DLGAP1: variants seen among roughly 807,000 people sequenced by gnomAD.
DLGAP1 encodes the protein disks large-associated protein 1.
In DLGAP1, 11 loss-of-function variants were observed where a neutral mutation model predicts 90.8. The observed-to-expected ratio is 0.12, with a 90% CI of 0.08 to 0.20. DLGAP1 has a LOEUF of 0.20. Among genes scored for constraint, DLGAP1 ranks in the 10% least tolerant of loss-of-function variants. The probability of loss-of-function intolerance (pLI) is 1.00; values close to 1 mark genes in which losing one functional copy is unlikely to be tolerated. For synonymous variants in DLGAP1, 558 were observed against 540.7 expected, an observed-to-expected ratio of 1.03 and a Z score of -0.44; for missense variants, 1,050 against 1,333.8, an observed-to-expected ratio of 0.79 and a Z score of 3.31.
At chr18:4,306,033 T>TACACACAGAC (rs1184185219) in intron 1 of DLGAP1, among the ~76,000 whole-genome samples, 31 of 142,204 alleles carry the variant, frequency 2.2e-4, no homozygotes, top group African/African-American at 7.6e-4. Flanking sequence ...CACACACAAA[T>TACACACAGAC]ACACACACAC....
intron 7 of DLGAP1, among the ~76,000 whole-genome samples, chr18:3,647,658 G>T (rs1046153063): frequency 1.3e-5 from 2 of 152,058 alleles, no homozygotes; most frequent in Non-Finnish European, 2.9e-5. Context: ...TAGAGATGGG[G>T]TTTCACCATG....
chr18:4,146,474 A>G (rs1333519350), intron 2 of DLGAP1, among the ~76,000 whole-genome samples: 1 of 152,142 alleles, frequency 6.6e-6, no homozygotes, highest in Non-Finnish European at 1.5e-5. Flanking sequence ...AGGATTTCAT[A>G]TGATCTGTAC....
intron 7 of DLGAP1, among the ~76,000 whole-genome samples, chr18:3,654,362 C>T (rs1220189365): frequency 6.6e-6 from 1 of 152,110 alleles, no homozygotes; most frequent in African/African-American, 2.4e-5. Context: ...TGTAGACCAG[C>T]CATGACACCC....
At chr18:4,370,250 G>T (rs539869774) in intron 1 of DLGAP1, among the ~76,000 whole-genome samples, 4 of 152,288 alleles carry the variant, frequency 2.6e-5, no homozygotes, top group South Asian at 4.1e-4. Context: ...CAGAAAAACA[G>T]ATCCAGATCA....
chr18:4,250,697 T>C (rs938544384), intron 1 of DLGAP1, among the ~76,000 whole-genome samples: 2 of 152,180 alleles, frequency 1.3e-5, no homozygotes, highest in African/African-American at 2.4e-5. Flanking sequence ...ACCTGTTCTA[T>C]GCATTAACTT....
intron 1 of DLGAP1, among the ~76,000 whole-genome samples, chr18:4,374,971 A>T (rs191379822): frequency 6.6e-6 from 1 of 152,258 alleles, no homozygotes; most frequent in East Asian, 1.9e-4. Context: ...AGAAAAAAAT[A>T]AAATATCACT....
Position 3,879,358 on chromosome 18 carries a change from C to T in DLGAP1, c.711G>A (p.Leu237=), listed in dbSNP as rs754041388. ...GCTCGCTGATGGTGTTGTAGGCCTC[C>T]AGGAAGTACTGTGAGGCCGAGCGGT... ...CPDRSASQYF[L]EAYNTISEQA... The change falls in exon 4 of 13, where the codon CTG becomes CTA. Residue 237 remains leucine (L), a synonymous_variant. Coordinates refer to ENST00000315677, the MANE Select transcript of DLGAP1 (RefSeq NM_004746.4). This position sits in a 1 kb window ranked among gnomAD's most constrained non-coding sequence, Gnocchi z 6.6. The T allele has an allele frequency of 6.2e-7, 1 of 1,612,876 alleles. No individual in the cohort carries two copies.
At position 3,772,376 on chromosome 18, in the gene DLGAP1, CTTTCTTTCTTTCTTTCTT is replaced by C. The variant is rs1568109228; in HGVS notation, c.1173-29882_1173-29865del. 1.9e-3 allele frequency among the ~76,000 whole-genome samples: 39 copies of C among 20,830 alleles called. 4 individuals are homozygous for C. The highest frequency in any genetic ancestry group is 2.0e-3 in the Non-Finnish European group (15 of 7,350). The allele number at this position is 20,830 out of a possible 152,430, so 13.7% of individuals were successfully genotyped here. A position where few individuals can be genotyped will look rare whatever the true frequency, so the allele number is the denominator to read the frequency against. The stretch of plus-strand genomic sequence containing the variant: ...TCTTTCTTTCTTTCTTTCTTTCTTT[CTTTCTTTCTTTCTTTCTT>C]TCTTTCTTTCTTTCTCTTTCTTTCT... On this transcript the variant is annotated intron_variant, in intron 5 of 12. Transcript: ENST00000315677.
At chr18:3,921,542 T>A (rs2072269621) in intron 3 of DLGAP1, among the ~76,000 whole-genome samples, 1 of 152,016 alleles carries the variant, frequency 6.6e-6, no homozygotes, top group Non-Finnish European at 1.5e-5. Context: ...GTAAAAAAAA[T>A]AAAAAATGCA....
intron 7 of DLGAP1, among the ~76,000 whole-genome samples, chr18:3,610,409 C>G (rs1357931026): frequency 1.3e-5 from 2 of 152,204 alleles, no homozygotes; most frequent in Non-Finnish European, 2.9e-5. Context: ...AGACTACCTT[C>G]TGTTCTCTCT....
At chr18:4,330,216 T>TGCACTAAACCTGAGAATGTAAAAAAAGAA (rs2080916694) in intron 1 of DLGAP1, among the ~76,000 whole-genome samples, 6 of 149,672 alleles carry the variant, frequency 4.0e-5, no homozygotes, top group African/African-American at 1.5e-4. Context: ...GATACTCATA[T>TGCACTAAACCTGAGAATGTAAAAAAAGAA]AATTTTCTTG....
intron 10 of DLGAP1, among the ~76,000 whole-genome samples, chr18:3,521,727 A>G (rs550352591): frequency 3.7e-4 from 57 of 152,240 alleles, no homozygotes; most frequent in Non-Finnish European, 7.4e-4. Flanking sequence ...CAGATTTCCG[A>G]CCAGAATGTG....
chr18:3,813,782 G>T (rs1020684562), intron 5 of DLGAP1, among the ~76,000 whole-genome samples: 2 of 151,814 alleles, frequency 1.3e-5, no homozygotes, highest in Non-Finnish European at 2.9e-5. Flanking sequence ...AGCCATTCTG[G>T]ATTCTTTTAA....
intron 2 of DLGAP1, among the ~76,000 whole-genome samples, chr18:4,145,034 C>A (rs1373007284): frequency 1.3e-5 from 2 of 152,146 alleles, no homozygotes; most frequent in African/African-American, 2.4e-5. Flanking sequence ...CTTAATCGGT[C>A]ATTTTATTAA....
chr18:4,213,140 C>T (rs540099860), intron 1 of DLGAP1, among the ~76,000 whole-genome samples: 1 of 152,198 alleles, frequency 6.6e-6, no homozygotes, highest in Non-Finnish European at 1.5e-5. Flanking sequence ...GAGATACAGT[C>T]TCTGCCGTTC....
intron 3 of DLGAP1, among the ~76,000 whole-genome samples, chr18:3,941,562 A>G (rs559289825): frequency 6.6e-6 from 1 of 152,374 alleles, no homozygotes; most frequent in African/African-American, 2.4e-5. Flanking sequence ...TTATAAAATC[A>G]GAAGCCTGGA....
intron 12 of DLGAP1, among the ~76,000 whole-genome samples, chr18:3,500,944 C>T (rs972278925): frequency 3.0e-4 from 45 of 151,948 alleles, no homozygotes; most frequent in African/African-American, 8.5e-4. Context: ...GACAAGCTCT[C>T]GCTCTGTCAC....
intron 7 of DLGAP1, among the ~76,000 whole-genome samples, chr18:3,657,939 T>C (rs1376679304): frequency 6.6e-6 from 1 of 152,194 alleles, no homozygotes; most frequent in East Asian, 1.9e-4. Flanking sequence ...GGCCAAACTC[T>C]TGTATCTGTA....
intron 3 of DLGAP1, among the ~76,000 whole-genome samples, chr18:3,911,905 T>G (rs2072043083): frequency 6.6e-6 from 1 of 152,236 alleles, no homozygotes; most frequent in Non-Finnish European, 1.5e-5. Flanking sequence ...AGTCACTCAA[T>G]GGCAGTTGGT....
Sources: gnomAD v4.1 joint callset for allele counts (sites outside exome capture counted in the v4.1 genomes callset) on GRCh38, gnomAD v4.1.1 for gene constraint, Gnocchi (gnomAD v3.1) non-coding constraint, MANE v1.5 for transcripts, NCBI Gene and HGNC (gene_info 2026-07-23, HGNC 2026-07-21) for gene names.